LIN28A: variants seen among roughly 807,000 people sequenced by gnomAD.
LIN28A encodes lin-28 RNA binding posttranscriptional regulator A, also known as protein lin-28 homolog A.
LIN28A carries 11 observed loss-of-function variants against 21.1 expected under a neutral mutation model. That is an observed-to-expected ratio of 0.52 (90% confidence interval 0.33 to 0.86). LIN28A has a LOEUF of 0.86. LIN28A is among the 40% of genes least tolerant of loss of function. LIN28A has a pLI of 0.03. For synonymous variants in LIN28A, 111 were observed against 108.7 expected, an observed-to-expected ratio of 1.02 and a Z score of -0.13; for missense variants, 219 against 279.8, an observed-to-expected ratio of 0.78 and a Z score of 1.55.
At chr1:26,414,487 G>A (rs1355202714) in intron 2 of LIN28A, among the ~76,000 whole-genome samples, 1 of 152,120 alleles carries the variant, frequency 6.6e-6, no homozygotes, top group Non-Finnish European at 1.5e-5. Context: ...TCTCCCAAAT[G>A]CTGTAATATC....
At chr1:26,417,109 CCGAACACTTG>C (rs1250705740) in intron 2 of LIN28A, among the ~76,000 whole-genome samples, 1 of 152,134 alleles carries the variant, frequency 6.6e-6, no homozygotes, top group East Asian at 1.9e-4. Flanking sequence ...ATAAATCTAC[CCGAACACTTG>C]AGTTCACAGC....
At chr1:26,419,817 T>C (rs748937924) in intron 2 of LIN28A, among the ~76,000 whole-genome samples, 5 of 152,116 alleles carry the variant, frequency 3.3e-5, no homozygotes, top group Non-Finnish European at 7.4e-5. Flanking sequence ...TGTCCCAGCC[T>C]AAGACAAGCT....
At chr1:26,420,535 C>T (rs1303593009) in intron 2 of LIN28A, among the ~76,000 whole-genome samples, 4 of 144,258 alleles carry the variant, frequency 2.8e-5, no homozygotes, top group African/African-American at 5.2e-5. Flanking sequence ...ACCCAGGAGG[C>T]GGAGGTTGCA....
chr1:26,427,678 A>G lies in LIN28A; in HGVS notation c.*1220A>G, dbSNP rs2075067841. The stretch of plus-strand genomic sequence containing the variant: ...GATTAGGTTAGGCCTACCATGTGCC[A>G]CAGGGTGTGTGTGTGTTTGTAAAAC... On this transcript the variant is annotated 3_prime_UTR_variant, in exon 4 of 4. Transcript: ENST00000326279. 1 of 152,252 alleles carries G rather than the reference A, an allele frequency of 6.6e-6. No individual in the cohort carries two copies. The highest frequency in any genetic ancestry group is 1.5e-5 in the Non-Finnish European group (1 of 68,064). The allele number at this position is 152,252 out of a possible 1,614,324, so 9.4% of individuals were successfully genotyped here.
rs773530922 is a variant in LIN28A, at chr1:26,411,632, A to G, written c.228+50A>G. ...CCCAGGGAAGGGCGTCTAGGCGCCC[A>G]TATCCACGGGTGGGCTCCGGGCTCG... On this transcript the variant is annotated intron_variant, in intron 2 of 3. Coordinates refer to ENST00000326279, the MANE Select transcript of LIN28A (RefSeq NM_024674.6). This position sits in a 1 kb window ranked among gnomAD's most constrained non-coding sequence, Gnocchi z 5.4. The G allele has an allele frequency of 1.9e-6, 3 of 1,566,416 alleles. No homozygotes were observed. In the African/African-American group the frequency reaches 4.1e-5, roughly 22 times the overall value.
chr1:26,410,994 G>C, intron 1 of LIN28A, 72 bp downstream of exon 1: 5 of 1,564,444 alleles, frequency 3.2e-6, no homozygotes, highest in Non-Finnish European at 3.5e-6. Flanking sequence ...AAGGGAGGTG[G>C]GGAACTGAGT....
Position 26,426,226 on chromosome 1 carries a change from T to A in LIN28A, c.414-16T>A. ...TTGCTCCTTTCTCTTACTTTTACGA[T>A]CTTGCTTTGTACTAGGTGCTACAAC... On this transcript the variant is annotated splice_polypyrimidine_tract_variant and intron_variant, in intron 3 of 3. Transcript: ENST00000326279. 1.2e-6 allele frequency: 2 copies of A among 1,608,814 alleles called. No individual in the cohort carries two copies. Among genetic ancestry groups the A allele is most frequent in the Non-Finnish European group, 1.7e-6 (2 of 1,175,252 alleles).
chr1:26,411,463 C>T lies in LIN28A; in HGVS notation c.109C>T (p.Leu37=). ...GGCCCGGGCGGCGGACGAGCCTCAG[C>T]TGCTGCACGGTGCGGGCATCTGTAA... The part of the protein sequence containing the change: ...DAARAADEPQ[L]LHGAGICKWF... Residue 37 remains leucine (L), a synonymous_variant, in exon 2 of 4, where the codon CTG becomes TTG. Transcript: ENST00000326279. The surrounding 1 kb of genome is among the most constrained non-coding windows in gnomAD (Gnocchi z 5.4). 6.2e-7 allele frequency: 1 copy of T among 1,613,694 alleles called. No individual in the cohort carries two copies. Among genetic ancestry groups the T allele is most frequent in the Non-Finnish European group, 8.5e-7 (1 of 1,179,834 alleles).
Position 26,429,481 on chromosome 1 carries a change from G to A in LIN28A, c.*3023G>A, listed in dbSNP as rs1414319357. On this transcript the variant is annotated 3_prime_UTR_variant, in exon 4 of 4. Transcript: ENST00000326279. Reference sequence around the variant, plus strand: ...ATTTATGGGGCGGGAGGGTAGGAAAGCCTGTACCTGTCTGTTTTTTTCCTG... The same window carrying A: ...ATTTATGGGGCGGGAGGGTAGGAAAACCTGTACCTGTCTGTTTTTTTCCTG... 6.6e-6 allele frequency: 1 copy of A among 152,602 alleles called. No individual in the cohort carries two copies. Among genetic ancestry groups the A allele is most frequent in the African/African-American group, 2.4e-5 (1 of 41,442 alleles). The allele number at this position is 152,602 out of a possible 1,614,324, so 9.5% of individuals were successfully genotyped here.
rs529539039 is a variant in LIN28A at position 26,411,895 on chromosome 1, A to G, written c.228+313A>G. ...CCCATGTGGCAGAAACTAAGGTTGTATTGTGCTTGCCGGTGGGGGGAGGGC... is the reference window on the plus strand; with the variant it reads ...CCCATGTGGCAGAAACTAAGGTTGTGTTGTGCTTGCCGGTGGGGGGAGGGC... On this transcript the variant is annotated intron_variant, in intron 2 of 3. Coordinates refer to ENST00000326279, the MANE Select transcript of LIN28A (RefSeq NM_024674.6). The surrounding 1 kb of genome is among the most constrained non-coding windows in gnomAD (Gnocchi z 5.4). 3.3e-4 allele frequency among the ~76,000 whole-genome samples: 50 copies of G among 152,116 alleles called. No homozygotes were observed. The highest frequency in any genetic ancestry group is 6.0e-4 in the Non-Finnish European group (41 of 67,978).
At chr1:26,414,207 G>A (rs998459810) in intron 2 of LIN28A, among the ~76,000 whole-genome samples, 1 of 136,350 alleles carries the variant, frequency 7.3e-6, no homozygotes, top group Non-Finnish European at 1.7e-5. Flanking sequence ...TGTTTACTGG[G>A]GGAGGAGGAA....
At chr1:26,421,103 G>A (rs550630768) in intron 2 of LIN28A, among the ~76,000 whole-genome samples, 29 of 151,850 alleles carry the variant, frequency 1.9e-4, no homozygotes, top group Admixed American at 1.8e-3. Flanking sequence ...TGGTACAAAC[G>A]TGCAGTGTTC....
intron 2 of LIN28A, among the ~76,000 whole-genome samples, chr1:26,421,777 G>A (rs543985123): frequency 6.6e-6 from 1 of 151,634 alleles, no homozygotes; most frequent in Non-Finnish European, 1.5e-5. Flanking sequence ...ACTGTCTTTC[G>A]GTAACATTAT....
intron 2 of LIN28A, among the ~76,000 whole-genome samples, chr1:26,417,382 A>G (rs1455246520): frequency 6.6e-6 from 1 of 152,156 alleles, no homozygotes; most frequent in Non-Finnish European, 1.5e-5. Flanking sequence ...TTCTGGGAGA[A>G]CCGGTTGGTT....
rs1389230322 is a variant in LIN28A, at chr1:26,427,772, T to C, written c.*1314T>C. On this transcript the variant is annotated 3_prime_UTR_variant, in exon 4 of 4. Coordinates refer to ENST00000326279, the MANE Select transcript of LIN28A (RefSeq NM_024674.6). ...TAATCCTGTGCTGTCGAGGGATGGA[T>C]ATATGAAGTAAGGTGAGATCCTTAA... 1 of 152,272 alleles carries C rather than the reference T, an allele frequency of 6.6e-6. No individual in the cohort carries two copies. Among genetic ancestry groups the C allele is most frequent in the Non-Finnish European group, 1.5e-5 (1 of 68,022 alleles). 9.4% of individuals were successfully genotyped at this position (152,272 alleles called of 1,614,324 possible).
At chr1:26,414,844 A>G (rs2074983994) in intron 2 of LIN28A, among the ~76,000 whole-genome samples, 1 of 152,206 alleles carries the variant, frequency 6.6e-6, no homozygotes. Context: ...TACATTGTCA[A>G]ATGTCCCCTT....
chr1:26,413,984 C>T (rs1196408969), intron 2 of LIN28A, among the ~76,000 whole-genome samples: 2 of 151,912 alleles, frequency 1.3e-5, no homozygotes, highest in African/African-American at 4.8e-5. Flanking sequence ...TGTGCCACCA[C>T]GCTCGGCTAA....
chr1:26,426,288 C>G lies in LIN28A; in HGVS notation c.460C>G (p.Leu154Val), dbSNP rs1181611791. Residue 154 changes from leucine (L) to valine (V), a missense_variant, in exon 4 of 4, where the codon CTG (leucine) becomes GTG (valine). Transcript: ENST00000326279. ...GLDHHAKECK[L>V]PPQPKKCHFC... The stretch of plus-strand genomic sequence containing the variant: ...AGATCATCATGCCAAGGAATGCAAG[C>G]TGCCACCCCAGCCCAAGAAGTGCCA... The G allele has an allele frequency of 6.2e-7, 1 of 1,614,208 alleles. No individual in the cohort carries two copies. The highest frequency in any genetic ancestry group is 2.2e-5 in the East Asian group (1 of 44,886).
intron 2 of LIN28A, among the ~76,000 whole-genome samples, chr1:26,421,433 C>T (rs1312668375): frequency 6.6e-6 from 1 of 152,102 alleles, no homozygotes; most frequent in Non-Finnish European, 1.5e-5. Flanking sequence ...GTATATGTGT[C>T]GTGCTAAGAC....
Sources: gnomAD v4.1 joint callset for allele counts (sites outside exome capture counted in the v4.1 genomes callset) on GRCh38, gnomAD v4.1.1 for gene constraint, Gnocchi (gnomAD v3.1) non-coding constraint, MANE v1.5 for transcripts, NCBI Gene and HGNC (gene_info 2026-07-23, HGNC 2026-07-21) for gene names.